The following MRE11 variants were observed in gnomAD, a reference collection of about 807,000 sequenced individuals.
MRE11 encodes the protein MRE11 double strand break repair nuclease, also known as double-strand break repair protein MRE11.
A neutral mutation model predicts 91.7 loss-of-function variants in MRE11; 62 were observed. The ratio of observed to expected loss-of-function variants is 0.68; its 90% CI spans 0.55 to 0.84. MRE11 has a LOEUF of 0.84. MRE11 is among the 40% of genes least tolerant of loss of function. The probability of loss-of-function intolerance (pLI) is 0.00; values close to 1 mark genes in which losing one functional copy is unlikely to be tolerated. For synonymous variants in MRE11, 273 were observed against 271.4 expected, an observed-to-expected ratio of 1.01 and a Z score of -0.06; for missense variants, 796 against 852.9, an observed-to-expected ratio of 0.93 and a Z score of 0.83.
At chr11:94,438,316 T>C (rs553735558) in intron 16 of MRE11, among the ~76,000 whole-genome samples, 29 of 152,202 alleles carry the variant, frequency 1.9e-4, no homozygotes, top group Non-Finnish European at 3.5e-4. Context: ...TCCAAAATTC[T>C]CCTAGTCAGA....
chr11:94,468,940 T>C (rs1410792204), intron 9 of MRE11, among the ~76,000 whole-genome samples: 4 of 152,186 alleles, frequency 2.6e-5, no homozygotes, highest in Non-Finnish European at 5.9e-5. Context: ...TTATAGAGCA[T>C]CATTTTGCCA....
At chr11:94,460,686 A>G (rs940750539) in intron 12 of MRE11, among the ~76,000 whole-genome samples, 24 of 150,042 alleles carry the variant, frequency 1.6e-4, no homozygotes, top group African/African-American at 6.0e-4. Flanking sequence ...ACAGAGATAC[A>G]AAGAAAGAGA....
intron 6 of MRE11, among the ~76,000 whole-genome samples, chr11:94,476,607 TGTTGTCC>T (rs1247194432): frequency 2.0e-5 from 3 of 152,120 alleles, no homozygotes; most frequent in African/African-American, 7.2e-5. Context: ...GGTCTTGCTA[TGTTGTCC>T]AGGCTGGTCT....
rs1805361 is a variant in MRE11, at chr11:94,420,035, C to T, written c.*90G>A. On this transcript the variant is annotated 3_prime_UTR_variant, in exon 20 of 20. Transcript: ENST00000323929. Reference sequence around the variant, plus strand: ...TACTTATGGAGTTATGCTCAGGAAACAATACTTAAAATCTTAAACTGTAAA... The same window carrying T: ...TACTTATGGAGTTATGCTCAGGAAATAATACTTAAAATCTTAAACTGTAAA... 9.4e-7 allele frequency: 1 copy of T among 1,061,786 alleles called. No individual in the cohort carries two copies. Among genetic ancestry groups the T allele is most frequent in the Admixed American group, 1.9e-5 (1 of 52,250 alleles). 65.8% of individuals were successfully genotyped at this position (1,061,786 alleles called of 1,614,324 possible). A position where few individuals can be genotyped will look rare whatever the true frequency, so the allele number is the denominator to read the frequency against.
intron 14 of MRE11, among the ~76,000 whole-genome samples, chr11:94,455,578 A>G (rs1031966687): frequency 1.3e-5 from 2 of 152,168 alleles, no homozygotes; most frequent in Non-Finnish European, 2.9e-5. Context: ...AGAGGCCCCA[A>G]ATTTAAGTAA....
At chr11:94,506,009 G>T in the MRE11 span, among the ~76,000 whole-genome samples, 1 of 152,180 alleles carries the variant, frequency 6.6e-6, no homozygotes, top group South Asian at 2.1e-4. Flanking sequence ...GTGCCACCTA[G>T]CCACCTAGGT....
At chr11:94,470,758 C>T (rs1394769555) in intron 8 of MRE11, 116 bp from the exon 9 acceptor site, 10 of 1,051,080 alleles carry the variant, frequency 9.5e-6, no homozygotes, top group Non-Finnish European at 1.4e-5. Flanking sequence ...AAATCATACT[C>T]TTAAAAATAA....
intron 14 of MRE11, among the ~76,000 whole-genome samples, chr11:94,454,073 ATTTTTTTTTT>A (rs763249653): frequency 1.4e-5 from 2 of 138,748 alleles, no homozygotes; most frequent in African/African-American, 5.3e-5. Flanking sequence ...TGAACAAAAG[ATTTTTTTTTT>A]TTTTTTTTGA....
chr11:94,445,868 G>C lies in MRE11; in HGVS notation c.1809C>G (p.Thr603=), dbSNP rs786202958. ...CAGCAGTCTTTGAGTTCCTGCTACG[G>C]GTAGAAGTCTCCAGACCAGTGTCTG... is the stretch of plus-strand genomic sequence containing the variant. The part of the protein sequence containing the change: ...GRADTGLETS[T]RSRNSKTAVS... Residue 603 remains threonine, a synonymous_variant, in exon 16 of 20, where the codon ACC becomes ACG. Coordinates refer to ENST00000323929, the MANE Select transcript of MRE11 (RefSeq NM_005591.4). The C allele has an allele frequency of 1.9e-5, 30 of 1,613,582 alleles. No homozygotes were observed. The highest frequency in any genetic ancestry group is 2.5e-5 in the Non-Finnish European group (30 of 1,179,662).
At chr11:94,493,673 T>A (rs1947356015) in intron 1 of MRE11, 118 bp downstream of exon 1, 2 of 152,246 alleles carry the variant, frequency 1.3e-5, no homozygotes. Flanking sequence ...CGAATGCGAT[T>A]CCTAAATTAC....
chr11:94,497,990 AT>A (rs1947440663), upstream of MRE11: 1 of 1,092,506 alleles, frequency 9.2e-7, no homozygotes, highest in Admixed American at 2.8e-5. Context: ...ACTTAATTAA[AT>A]CTAACACCAC....
chr11:94,429,015 C>T (rs748287342), intron 19 of MRE11, among the ~76,000 whole-genome samples: 34 of 152,062 alleles, frequency 2.2e-4, no homozygotes, highest in Non-Finnish European at 4.3e-4. Flanking sequence ...CAAATAACTG[C>T]ATCAGAAAAT....
At chr11:94,428,514 CA>C (rs1945382137) in intron 19 of MRE11, among the ~76,000 whole-genome samples, 2 of 152,116 alleles carry the variant, frequency 1.3e-5, no homozygotes, top group South Asian at 4.1e-4. Context: ...AAAGCAACTG[CA>C]AGAAAAATAC....
intron 14 of MRE11, among the ~76,000 whole-genome samples, chr11:94,451,272 A>T (rs891270579): frequency 1.3e-5 from 2 of 152,194 alleles, no homozygotes; most frequent in African/African-American, 4.8e-5. Flanking sequence ...TGAATAACTT[A>T]ATCTGATCCA....
intron 16 of MRE11, 74 bp downstream of exon 16, chr11:94,445,736 G>A: frequency 5.6e-6 from 6 of 1,067,470 alleles, no homozygotes; most frequent in East Asian, 2.4e-5. Flanking sequence ...ACACAAATAA[G>A]GGCTACCAAT....
intron 18 of MRE11, among the ~76,000 whole-genome samples, chr11:94,431,741 C>T (rs754030489): frequency 4.6e-5 from 7 of 152,084 alleles, no homozygotes; most frequent in East Asian, 1.9e-4. Flanking sequence ...GTGAGCACCA[C>T]GCAAGCTAAT....
At position 94,419,936 on chromosome 11, in the gene MRE11, C is replaced by T. The variant is rs151287483; in HGVS notation, c.*189G>A. 2.1e-3 allele frequency: 989 copies of T among 468,942 alleles called. No homozygotes were observed. Among genetic ancestry groups the T allele is most frequent in the Non-Finnish European group, 3.1e-3 (806 of 259,560 alleles). 29.0% of individuals were successfully genotyped at this position (468,942 alleles called of 1,614,324 possible). A position where few individuals can be genotyped will look rare whatever the true frequency, so the allele number is the denominator to read the frequency against. Reference sequence around the variant, plus strand: ...ACTCAAGAGTGATATTGAAACAAAGCTCTTACTACAACAACCAGGTTAAAA... The same window carrying T: ...ACTCAAGAGTGATATTGAAACAAAGTTCTTACTACAACAACCAGGTTAAAA... On this transcript the variant is annotated 3_prime_UTR_variant, in exon 20 of 20. Transcript: ENST00000323929.
At chr11:94,492,677 G>C in intron 2 of MRE11, 105 bp downstream of exon 2, 2 of 1,485,942 alleles carry the variant, frequency 1.3e-6, no homozygotes, top group South Asian at 2.3e-5. Context: ...TCATAAACAG[G>C]TTCCTTATTT....
intron 6 of MRE11, among the ~76,000 whole-genome samples, chr11:94,476,915 T>G (rs927119954): frequency 2.6e-5 from 4 of 152,080 alleles, no homozygotes; most frequent in Non-Finnish European, 5.9e-5. Context: ...AGATGGGGTT[T>G]TGCCACGTTG....
Sources: allele counts gnomAD v4.1 joint callset (sites outside exome capture counted in the v4.1 genomes callset), GRCh38; gene constraint gnomAD v4.1.1; transcripts MANE v1.5; gene names NCBI Gene and HGNC (gene_info 2026-07-23, HGNC 2026-07-21).